Variants in MAN1A2 observed in about 807,000 individuals in gnomAD.
The protein encoded by MAN1A2 is mannosidase alpha class 1A member 2, also known as mannosyl-oligosaccharide 1,2-alpha-mannosidase IB.
Under a neutral mutation model 75.7 loss-of-function variants are expected in MAN1A2, and 26 were observed. The observed-to-expected ratio is 0.34, with a 90% CI of 0.25 to 0.48. The LOEUF (loss-of-function observed/expected upper bound fraction) is 0.48. Among genes scored for constraint, MAN1A2 ranks in the 20% least tolerant of loss-of-function variants. The pLI is 0.99. For missense variants in MAN1A2, 562 were observed against 775.5 expected, an observed-to-expected ratio of 0.72 and a Z score of 3.27; for synonymous variants, 247 against 264.6, an observed-to-expected ratio of 0.93 and a Z score of 0.65.
At chr1:117,393,293 T>G (rs991649844) in intron 1 of MAN1A2, among the ~76,000 whole-genome samples, 1 of 152,200 alleles carries the variant, frequency 6.6e-6, no homozygotes, top group African/African-American at 2.4e-5. Context: ...TTTATTACCT[T>G]GAAGGTGTGG....
chr1:117,524,872 G>A lies in MAN1A2; in HGVS notation c.*1915G>A. ...AAATGAGAAAGGTATATATATTACT[G>A]TAACTGTAGAAGGGAAAAGGGAAAG... On this transcript the variant is annotated 3_prime_UTR_variant, in exon 13 of 13. Transcript: ENST00000356554. 1 of 307,116 alleles carries A rather than the reference G, an allele frequency of 3.3e-6. No homozygotes were observed. Among genetic ancestry groups the A allele is most frequent in the Non-Finnish European group, 6.5e-6 (1 of 153,376 alleles). 19.0% of individuals were successfully genotyped at this position (307,116 alleles called of 1,614,324 possible).
Position 117,525,183 on chromosome 1 carries a change from A to G in MAN1A2, c.*2226A>G, listed in dbSNP as rs753672242. 3.7e-5 allele frequency: 19 copies of G among 512,840 alleles called. No individual in the cohort carries two copies. The highest frequency in any genetic ancestry group is 3.2e-4 in the Middle Eastern group (1 of 3,120). 31.8% of individuals were successfully genotyped at this position (512,840 alleles called of 1,614,324 possible). On this transcript the variant is annotated 3_prime_UTR_variant, in exon 13 of 13. Transcript: ENST00000356554. ...GAAGCTTAAGAGAAGGCAGGGAAGTATACAAGCAGAGCCAGTTCTGGTACA... is the reference window on the plus strand; with the variant it reads ...GAAGCTTAAGAGAAGGCAGGGAAGTGTACAAGCAGAGCCAGTTCTGGTACA...
chr1:117,460,056 G>A (rs1359905572), intron 6 of MAN1A2, among the ~76,000 whole-genome samples: 4 of 146,944 alleles, frequency 2.7e-5, no homozygotes, highest in African/African-American at 7.6e-5. Flanking sequence ...ATGGAATTCC[G>A]TACAACTGTA....
At chr1:117,491,897 T>C (rs2101872190) in intron 8 of MAN1A2, among the ~76,000 whole-genome samples, 1 of 152,110 alleles carries the variant, frequency 6.6e-6, no homozygotes, top group Admixed American at 6.6e-5. Context: ...AGAACCAGAA[T>C]TAGAAGTGGG....
chr1:117,419,458 C>T (rs947416005), intron 4 of MAN1A2, among the ~76,000 whole-genome samples: 5 of 151,888 alleles, frequency 3.3e-5, no homozygotes, highest in African/African-American at 1.2e-4. Flanking sequence ...AAGCACTTTG[C>T]TTTCATGGTG....
At chr1:117,487,267 G>A (rs187123180) in intron 8 of MAN1A2, among the ~76,000 whole-genome samples, 131 of 152,090 alleles carry the variant, frequency 8.6e-4, no homozygotes, top group African/African-American at 3.1e-3. Flanking sequence ...GAAGCAATAG[G>A]CATAACTCTG....
intron 7 of MAN1A2, among the ~76,000 whole-genome samples, chr1:117,462,995 T>C (rs1181439187): frequency 1.3e-5 from 2 of 152,056 alleles, no homozygotes; most frequent in African/African-American, 2.4e-5. Flanking sequence ...TGTATATTCC[T>C]TTCTGTGTAT....
chr1:117,434,859 A>G (rs1648800501), intron 5 of MAN1A2, among the ~76,000 whole-genome samples: 3 of 151,264 alleles, frequency 2.0e-5, no homozygotes, highest in Admixed American at 1.3e-4. Context: ...TTGGACTAAG[A>G]TGGTGTTGTA....
At chr1:117,422,319 T>C (rs927205977) in intron 5 of MAN1A2, among the ~76,000 whole-genome samples, 3 of 152,142 alleles carry the variant, frequency 2.0e-5, no homozygotes, top group Non-Finnish European at 4.4e-5. Context: ...GTATTAGTAG[T>C]TTATTCCTTT....
chr1:117,393,160 T>C (rs887433340), intron 1 of MAN1A2, among the ~76,000 whole-genome samples: 1 of 152,238 alleles, frequency 6.6e-6, no homozygotes, highest in Non-Finnish European at 1.5e-5. Context: ...AGTATTATTC[T>C]GTGCTGGTAG....
At chr1:117,503,265 T>C (rs1181095361) in intron 12 of MAN1A2, among the ~76,000 whole-genome samples, 1 of 151,490 alleles carries the variant, frequency 6.6e-6, no homozygotes, top group East Asian at 1.9e-4. Flanking sequence ...AGGTCCACAC[T>C]CACGAAGTTT....
chr1:117,400,380 T>TG (rs1188277891), intron 1 of MAN1A2, among the ~76,000 whole-genome samples: 1 of 151,800 alleles, frequency 6.6e-6, no homozygotes, highest in Non-Finnish European at 1.5e-5. Flanking sequence ...AATATTAGAT[T>TG]GTGAATTTTT....
At chr1:117,497,742 T>G (rs1651074829) in intron 10 of MAN1A2, among the ~76,000 whole-genome samples, 1 of 151,782 alleles carries the variant, frequency 6.6e-6, no homozygotes, top group Non-Finnish European at 1.5e-5. Flanking sequence ...GGTGCAGTAA[T>G]GAAAAGGGGG....
intron 1 of MAN1A2, among the ~76,000 whole-genome samples, chr1:117,373,746 G>C (rs952436776): frequency 6.6e-6 from 1 of 151,960 alleles, no homozygotes; most frequent in Non-Finnish European, 1.5e-5. Flanking sequence ...CTTTTACCTT[G>C]GCCTCCCAAA....
intron 10 of MAN1A2, among the ~76,000 whole-genome samples, chr1:117,497,496 A>G (rs547287869): frequency 2.6e-5 from 4 of 152,050 alleles, no homozygotes; most frequent in Admixed American, 2.6e-4. Flanking sequence ...ATCCTCTGAC[A>G]TTGCACTGGG....
chr1:117,499,986 A>G (rs1651149889), intron 11 of MAN1A2, among the ~76,000 whole-genome samples: 1 of 151,768 alleles, frequency 6.6e-6, no homozygotes, highest in African/African-American at 2.4e-5. Context: ...AATTATGGTG[A>G]CTATTCGTAT....
intron 3 of MAN1A2, among the ~76,000 whole-genome samples, chr1:117,408,911 A>C (rs1647711444): frequency 2.0e-5 from 3 of 151,994 alleles, no homozygotes; most frequent in African/African-American, 7.2e-5. Context: ...TATCTAAGTT[A>C]TTGATTTTAT....
chr1:117,470,005 A>G (rs930158897), intron 8 of MAN1A2, among the ~76,000 whole-genome samples: 1 of 152,128 alleles, frequency 6.6e-6, no homozygotes, highest in Non-Finnish European at 1.5e-5. Context: ...ACTCAAACAG[A>G]TACTTGTAGC....
chr1:117,469,258 A>G (rs1408857820), intron 8 of MAN1A2, among the ~76,000 whole-genome samples: 1 of 152,146 alleles, frequency 6.6e-6, no homozygotes, highest in African/African-American at 2.4e-5. Flanking sequence ...TAGCCATGTG[A>G]AAAATAATGA....
Sources: gnomAD v4.1 joint callset for allele counts (sites outside exome capture counted in the v4.1 genomes callset) on GRCh38, gnomAD v4.1.1 for gene constraint, MANE v1.5 for transcripts, NCBI Gene and HGNC (gene_info 2026-07-23, HGNC 2026-07-21) for gene names.